The following CCDC85A variants were observed in gnomAD, a reference collection of about 807,000 sequenced individuals.
CCDC85A encodes coiled-coil domain-containing protein 85A.
Under a neutral mutation model 50.2 loss-of-function variants are expected in CCDC85A, and 38 were observed. The observed-to-expected ratio is 0.76, with a 90% CI of 0.58 to 0.99. The LOEUF (loss-of-function observed/expected upper bound fraction) is 0.99, where lower values mean the gene tolerates loss of function less well. Ranked by LOEUF, CCDC85A falls within the 50% of genes least tolerant of loss-of-function variation. CCDC85A has a pLI of 0.00. For synonymous variants in CCDC85A, 366 were observed against 301.4 expected (o/e 1.21, Z -2.22); for missense variants, 820 against 742.0 (o/e 1.11, Z -1.22).
intron 3 of CCDC85A, among the ~76,000 whole-genome samples, chr2:56,371,097 C>G (rs1373802688): frequency 6.6e-6 from 1 of 151,952 alleles, no homozygotes; most frequent in Non-Finnish European, 1.5e-5. Flanking sequence ...ATCAAAAGAG[C>G]AATGTTCAAA....
chr2:56,252,612 A>G (rs1213204375), intron 2 of CCDC85A, among the ~76,000 whole-genome samples: 1 of 152,038 alleles, frequency 6.6e-6, no homozygotes, highest in African/African-American at 2.4e-5. Context: ...TTACATAGGT[A>G]TACACGTGCC....
At chr2:56,226,892 AG>A (rs1668565387) in intron 2 of CCDC85A, among the ~76,000 whole-genome samples, 1 of 152,070 alleles carries the variant, frequency 6.6e-6, no homozygotes, top group African/African-American at 2.4e-5. Context: ...TTTGTAACTG[AG>A]TATTGGTGGC....
intron 2 of CCDC85A, among the ~76,000 whole-genome samples, chr2:56,205,755 A>T (rs1393866328): frequency 6.6e-6 from 1 of 152,190 alleles, no homozygotes; most frequent in Non-Finnish European, 1.5e-5. Flanking sequence ...TTCAACAAAT[A>T]TTTATTGTGT....
At chr2:56,332,349 C>T (rs1369081620) in intron 2 of CCDC85A, among the ~76,000 whole-genome samples, 1 of 152,080 alleles carries the variant, frequency 6.6e-6, no homozygotes, top group African/African-American at 2.4e-5. Context: ...TTATTGCTCA[C>T]AGTTTTGAAG....
intron 2 of CCDC85A, among the ~76,000 whole-genome samples, chr2:56,255,891 G>A (rs990034390): frequency 3.9e-5 from 6 of 152,062 alleles, no homozygotes; most frequent in African/African-American, 1.5e-4. Flanking sequence ...AGAAATACAG[G>A]GTTAACATTG....
chr2:56,239,755 A>G (rs1669175013), intron 2 of CCDC85A, among the ~76,000 whole-genome samples: 1 of 152,130 alleles, frequency 6.6e-6, no homozygotes, highest in Non-Finnish European at 1.5e-5. Context: ...TTCAGTGAGG[A>G]TATTTTCCAG....
chr2:56,340,314 A>G (rs2104316583), intron 2 of CCDC85A, among the ~76,000 whole-genome samples: 1 of 152,348 alleles, frequency 6.6e-6, no homozygotes. Flanking sequence ...TCAGGGCATC[A>G]ATATCCATCC....
chr2:56,310,223 A>G (rs985017016), intron 2 of CCDC85A, among the ~76,000 whole-genome samples: 7 of 152,160 alleles, frequency 4.6e-5, no homozygotes, highest in Non-Finnish European at 1.0e-4. Context: ...TGACTGATGC[A>G]ACTGATTGCT....
intron 3 of CCDC85A, among the ~76,000 whole-genome samples, chr2:56,352,405 G>A (rs1309879211): frequency 6.6e-6 from 1 of 152,142 alleles, no homozygotes; most frequent in Non-Finnish European, 1.5e-5. Flanking sequence ...GAGTGTAGTG[G>A]TGTGATCGCG....
At chr2:56,236,143 T>G (rs1387110810) in intron 2 of CCDC85A, among the ~76,000 whole-genome samples, 1 of 152,094 alleles carries the variant, frequency 6.6e-6, no homozygotes, top group Non-Finnish European at 1.5e-5. Flanking sequence ...AATAACAGAA[T>G]TGTAACAGCT....
intron 2 of CCDC85A, among the ~76,000 whole-genome samples, chr2:56,299,458 C>G (rs985446205): frequency 1.3e-5 from 2 of 152,112 alleles, no homozygotes; most frequent in Non-Finnish European, 2.9e-5. Flanking sequence ...ATAATCTCTG[C>G]TTGGGATCCT....
chr2:56,234,082 A>G (rs1430651324), intron 2 of CCDC85A, among the ~76,000 whole-genome samples: 1 of 152,204 alleles, frequency 6.6e-6, no homozygotes, highest in Non-Finnish European at 1.5e-5. Flanking sequence ...TAGCTAGAAC[A>G]TCTTTTATTT....
At chr2:56,210,440 C>T (rs1677135491) in intron 2 of CCDC85A, among the ~76,000 whole-genome samples, 1 of 152,010 alleles carries the variant, frequency 6.6e-6, no homozygotes, top group African/African-American at 2.4e-5. Context: ...TGACAAACCA[C>T]CTCAACACTT....
chr2:56,334,953 T>C (rs1364305977), intron 2 of CCDC85A, among the ~76,000 whole-genome samples: 1 of 152,166 alleles, frequency 6.6e-6, no homozygotes, highest in Non-Finnish European at 1.5e-5. Flanking sequence ...GAGTAGAATT[T>C]GCTTCATAAA....
intron 2 of CCDC85A, among the ~76,000 whole-genome samples, chr2:56,293,649 T>C (rs371760644): frequency 3.3e-5 from 5 of 152,078 alleles, no homozygotes; most frequent in African/African-American, 1.2e-4. Context: ...GCACAGGACA[T>C]GAACAGACAC....
intron 3 of CCDC85A, 129 bp downstream of exon 3, chr2:56,343,084 C>A: frequency 1.6e-6 from 1 of 623,452 alleles, no homozygotes; most frequent in South Asian, 1.9e-5. Flanking sequence ...AGCCATTCAT[C>A]AATGTAGAGT....
rs1252816557 is a variant in CCDC85A, at chr2:56,384,437, A to G, written c.*82A>G. The G allele has an allele frequency of 1.8e-6, 2 of 1,141,422 alleles. No homozygotes were observed. Among genetic ancestry groups the G allele is most frequent in the South Asian group, 2.5e-5 (2 of 79,054 alleles). The allele number at this position is 1,141,422 out of a possible 1,614,324, so 70.7% of individuals were successfully genotyped here. On this transcript the variant is annotated 3_prime_UTR_variant, in exon 6 of 6. Transcript: ENST00000407595. The stretch of plus-strand genomic sequence containing the variant: ...AAGAAAAAGGAAAGAGTGGGTTTCC[A>G]CAAACCTGGACTCATGGAATAACAT...
chr2:56,276,769 G>A (rs941777334), intron 2 of CCDC85A, among the ~76,000 whole-genome samples: 3 of 152,058 alleles, frequency 2.0e-5, no homozygotes, highest in African/African-American at 7.3e-5. Context: ...TTAAGTTTGG[G>A]GTACAAGTGC....
intron 2 of CCDC85A, among the ~76,000 whole-genome samples, chr2:56,298,634 T>G (rs992265314): frequency 6.6e-5 from 10 of 152,200 alleles, no homozygotes; most frequent in Non-Finnish European, 1.3e-4. Flanking sequence ...AGTTTCGATT[T>G]TTAAAAACTT....
Sources: gnomAD v4.1 joint callset for allele counts (sites outside exome capture counted in the v4.1 genomes callset) on GRCh38, gnomAD v4.1.1 for gene constraint, MANE v1.5 for transcripts, NCBI Gene and HGNC (gene_info 2026-07-23, HGNC 2026-07-21) for gene names.